UTY: variants seen among roughly 807,000 people sequenced by gnomAD.
UTY encodes histone demethylase UTY.
In UTY, 12 loss-of-function variants were observed where a neutral mutation model predicts 32.5. The observed-to-expected ratio is 0.37, with a 90% CI of 0.24 to 0.60. UTY has a LOEUF of 0.60. Among genes scored for constraint, UTY ranks in the 20% least tolerant of loss-of-function variants. UTY has a pLI of 0.69. For synonymous variants in UTY, 131 were observed against 103.4 expected (o/e 1.27, Z -1.62); for missense variants, 303 against 299.2 (o/e 1.01, Z -0.09).
At chrY:13,304,631 A>G (rs1045397012) in intron 24 of UTY, among the ~76,000 whole-genome samples, 8 of 33,123 alleles carry the variant, frequency 2.4e-4, no homozygotes, top group African/African-American at 9.4e-4. Context: ...TTGAAAAGAC[A>G]TTTTTGAAGA....
intron 27 of UTY, 38 bp downstream of exon 27, chrY:13,297,669 C>G: frequency 2.5e-6 from 1 of 397,606 alleles, no homozygotes; most frequent in South Asian, 3.0e-5. Flanking sequence ...TACCAATACC[C>G]CCAAAGAGAA....
intron 3 of UTY, among the ~76,000 whole-genome samples, chrY:13,451,646 A>T (rs2076326155): frequency 3.0e-5 from 1 of 33,256 alleles, no homozygotes; most frequent in Non-Finnish European, 7.4e-5. Flanking sequence ...GTGTACTGTA[A>T]ACAGTACAGA....
intron 17 of UTY, among the ~76,000 whole-genome samples, chrY:13,341,446 C>A: frequency 3.1e-5 from 1 of 32,230 alleles, no homozygotes; most frequent in African/African-American, 1.2e-4. Flanking sequence ...GGCTGACCTA[C>A]GCTTGAGAGA....
chrY:13,364,979 A>C, intron 10 of UTY, among the ~76,000 whole-genome samples: 1 of 33,727 alleles, frequency 3.0e-5, no homozygotes, highest in African/African-American at 1.2e-4. Flanking sequence ...ATGATTAATA[A>C]AAATATTTCC....
intron 3 of UTY, 30 bp downstream of exon 3, chrY:13,470,091 G>A (rs1263124165): frequency 3.0e-6 from 1 of 338,797 alleles, no homozygotes; most frequent in South Asian, 3.8e-5. Context: ...TGTAAGTCAA[G>A]CAAGAAATTT....
chrY:13,354,942 C>T, intron 17 of UTY, 61 bp downstream of exon 17: 1 of 381,704 alleles, frequency 2.6e-6, no homozygotes, highest in East Asian at 9.5e-5. Context: ...AGAATGTACA[C>T]AAACTAAATA....
chrY:13,360,397 G>A (rs1207384505), intron 11 of UTY, 33 bp downstream of exon 11: 4 of 360,094 alleles, frequency 1.1e-5, no homozygotes, highest in Admixed American at 7.6e-5. Context: ...TGTATCAAGC[G>A]AGCTTCTACT....
chrY:13,282,947 C>T, intron 27 of UTY, among the ~76,000 whole-genome samples: 1 of 34,596 alleles, frequency 2.9e-5, no homozygotes, highest in Non-Finnish European at 7.3e-5. Context: ...GCCAAAGCAG[C>T]GCGTAGCAGG....
chrY:13,326,272 T>C lies in UTY; in HGVS notation c.2913A>G (p.Pro971=). The part of the protein sequence containing the change: ...KCPPPRPPTS[P]YPPLPKDKLN... ...ACTTGTCCTTTGGCAAGGGTGGGTA[T>C]GGTGAAGTTGGTGGTCTTGGAGGTG... The change falls in exon 19 of 30, where the codon CCA becomes CCG. Residue 971 remains proline (P), a synonymous_variant. Transcript: ENST00000545955. The C allele has an allele frequency of 2.5e-5, 10 of 395,277 alleles. No homozygotes were observed. The Admixed American group carries it at 4.6e-4, about 18-fold the overall frequency.
At chrY:13,473,294 ACT>A (rs2078682117) in intron 2 of UTY, among the ~76,000 whole-genome samples, 2 of 31,015 alleles carry the variant, frequency 6.4e-5, no homozygotes, top group Non-Finnish European at 1.5e-4. Flanking sequence ...ACAGTGCAAG[ACT>A]CTGTCTCGAG....
At chrY:13,288,664 G>A in intron 27 of UTY, among the ~76,000 whole-genome samples, 3 of 32,780 alleles carry the variant, frequency 9.2e-5, no homozygotes, top group Non-Finnish European at 2.2e-4. Context: ...AGCATAAGAT[G>A]GCTCACGAGG....
intron 28 of UTY, among the ~76,000 whole-genome samples, chrY:13,259,106 C>A (rs2055058564): frequency 2.9e-5 from 1 of 34,781 alleles, no homozygotes. Flanking sequence ...AGTTAACTAG[C>A]CCAACCTATT....
At chrY:13,427,980 T>C (rs2073509705) in intron 4 of UTY, among the ~76,000 whole-genome samples, 1 of 33,706 alleles carries the variant, frequency 3.0e-5, no homozygotes, top group Non-Finnish European at 7.4e-5. Context: ...CTGAACATTT[T>C]TTCATGTTTC....
intron 17 of UTY, among the ~76,000 whole-genome samples, chrY:13,340,372 C>T: frequency 3.0e-5 from 1 of 32,790 alleles, no homozygotes; most frequent in Non-Finnish European, 7.5e-5. Flanking sequence ...AAGTCCACCC[C>T]CCCATGCACC....
chrY:13,388,104 T>C, intron 8 of UTY, among the ~76,000 whole-genome samples: 1 of 33,781 alleles, frequency 3.0e-5, no homozygotes, highest in African/African-American at 1.2e-4. Flanking sequence ...ATTTAGGTAA[T>C]TTCTAAATAC....
At chrY:13,324,528 C>T in intron 20 of UTY, 73 bp downstream of exon 20, 1 of 256,876 alleles carries the variant, frequency 3.9e-6, no homozygotes, top group Non-Finnish European at 5.9e-6. Flanking sequence ...GGGAAAAAAT[C>T]AGTGAGTTTC....
At chrY:13,424,381 G>C (rs536573699) in intron 4 of UTY, among the ~76,000 whole-genome samples, 11 of 32,612 alleles carry the variant, frequency 3.4e-4, no homozygotes, top group African/African-American at 9.7e-4. Flanking sequence ...ACTCCAGCCT[G>C]GGTGACAGAG....
intron 6 of UTY, among the ~76,000 whole-genome samples, chrY:13,407,827 GAGAC>G (rs2070277105): frequency 3.0e-5 from 1 of 32,913 alleles, no homozygotes; most frequent in Non-Finnish European, 7.6e-5. Context: ...AAACAAAAGA[GAGAC>G]AGATCTACTG....
At position 13,393,841 on chromosome Y, in the gene UTY, T is replaced by C; in HGVS notation, c.645+18A>G. 2.6e-6 allele frequency: 1 copy of C among 379,617 alleles called. No homozygotes were observed. The highest frequency in any genetic ancestry group is 3.7e-6 in the Non-Finnish European group (1 of 272,100). The allele number at this position is 379,617 out of a possible 400,897, so 94.7% of individuals were successfully genotyped here. A position where few individuals can be genotyped will look rare whatever the true frequency, so the allele number is the denominator to read the frequency against. ...ATAGGTGACTGTTTCATTCTTGTTC[T>C]TAAGTTAAAACACTTACCTGGGTTT... On this transcript the variant is annotated intron_variant, in intron 8 of 29. Coordinates refer to ENST00000545955, the MANE Select transcript of UTY (RefSeq NM_001258249.2).
Sources: gnomAD v4.1 joint callset for allele counts (sites outside exome capture counted in the v4.1 genomes callset) on GRCh38, gnomAD v4.1.1 for gene constraint, MANE v1.5 for transcripts, NCBI Gene and HGNC (gene_info 2026-07-23, HGNC 2026-07-21) for gene names.